Variants in SPRING1 observed in about 807,000 individuals in gnomAD.
SPRING1 encodes the protein SREBP regulating gene protein.
Under a neutral mutation model 24.7 loss-of-function variants are expected in SPRING1, and 14 were observed. The ratio of observed to expected loss-of-function variants is 0.57; its 90% CI spans 0.37 to 0.88. The LOEUF is 0.88. SPRING1 is among the 40% of genes least tolerant of loss of function. The probability of loss-of-function intolerance (pLI) is 0.00; values close to 1 mark genes in which losing one functional copy is unlikely to be tolerated. For missense variants in SPRING1, 255 were observed against 268.4 expected, an observed-to-expected ratio of 0.95 and a Z score of 0.35; for synonymous variants, 93 against 106.1, an observed-to-expected ratio of 0.88 and a Z score of 0.76.
chr12:116,737,736 G>A (rs1871339025), intron 1 of SPRING1, 54 bp downstream of exon 1: 1 of 1,490,276 alleles, frequency 6.7e-7, no homozygotes, highest in Non-Finnish European at 9.0e-7. Flanking sequence ...AGTAAAGTAA[G>A]GGGGAGGAAG....
At chr12:116,730,766 T>G (rs1268986675) in intron 1 of SPRING1, among the ~76,000 whole-genome samples, 1 of 152,224 alleles carries the variant, frequency 6.6e-6, no homozygotes, top group Non-Finnish European at 1.5e-5. Context: ...TCACCAGGGA[T>G]TTAATCTTTA....
chr12:116,735,049 A>T (rs1269434102), intron 1 of SPRING1, among the ~76,000 whole-genome samples: 4 of 152,244 alleles, frequency 2.6e-5, no homozygotes, highest in Non-Finnish European at 5.9e-5. Context: ...GAGTGACAGC[A>T]GTGACACTCT....
intron 4 of SPRING1, among the ~76,000 whole-genome samples, chr12:116,718,344 T>G (rs932507235): frequency 7.1e-4 from 108 of 152,358 alleles, no homozygotes; most frequent in African/African-American, 2.5e-3. Flanking sequence ...CCTAAAAATT[T>G]GGGGCATGAG....
chr12:116,713,338 T>TAAA lies in SPRING1; in HGVS notation c.*4471_*4472insTTT. On this transcript the variant is annotated 3_prime_UTR_variant, in exon 5 of 5. Transcript: ENST00000261318. ...CAAAGGCTGCTTTCATATAAAAATGTACTGTAGTAATCAGTAAGAAAAAGA... is the reference window on the plus strand; with the variant it reads ...CAAAGGCTGCTTTCATATAAAAATGTAAAACTGTAGTAATCAGTAAGAAAAAGA... 1 of 152,380 alleles carries TAAA rather than the reference T, an allele frequency of 6.6e-6. No individual in the cohort carries two copies. The highest frequency in any genetic ancestry group is 1.9e-4 in the East Asian group (1 of 5,194). 9.4% of individuals were successfully genotyped at this position (152,380 alleles called of 1,614,324 possible).
At chr12:116,732,153 A>C (rs550838855) in intron 1 of SPRING1, among the ~76,000 whole-genome samples, 14 of 152,342 alleles carry the variant, frequency 9.2e-5, no homozygotes, top group African/African-American at 3.4e-4. Context: ...AAAGGACTGC[A>C]GCTTGGCTCA....
In SPRING1 at chr12:116,738,007, C is replaced by G. The variant is rs986652194; in HGVS notation, c.-107G>C. ...CGGCAGCCCCATCCCTCCAGGCAGG[C>G]GCCGGCCCCGCCGCCCGCAGCCCAG... On this transcript the variant is annotated 5_prime_UTR_variant, in exon 1 of 5. Transcript: ENST00000261318. 2.2e-5 allele frequency: 25 copies of G among 1,122,902 alleles called. No individual in the cohort carries two copies. The East Asian group carries it at 6.5e-4, about 29-fold the overall frequency. The allele number at this position is 1,122,902 out of a possible 1,614,324, so 69.6% of individuals were successfully genotyped here. A position where few individuals can be genotyped will look rare whatever the true frequency, so the allele number is the denominator to read the frequency against.
Position 116,713,715 on chromosome 12 carries a change from T to C in SPRING1, c.*4095A>G, listed in dbSNP as rs969301183. ...AGGGAATTAATAATATTATTGTATA[T>C]TCATGAAATTGACACCATGTGGCCA... On this transcript the variant is annotated 3_prime_UTR_variant, in exon 5 of 5. Coordinates refer to ENST00000261318, the MANE Select transcript of SPRING1 (RefSeq NM_024738.4). The C allele has an allele frequency of 6.6e-6, 1 of 152,224 alleles. No homozygotes were observed. Among genetic ancestry groups the C allele is most frequent in the African/African-American group, 2.4e-5 (1 of 41,454 alleles). The allele number at this position is 152,224 out of a possible 1,614,324, so 9.4% of individuals were successfully genotyped here. A position where few individuals can be genotyped will look rare whatever the true frequency, so the allele number is the denominator to read the frequency against.
chr12:116,734,175 C>A (rs1871122199), intron 1 of SPRING1, among the ~76,000 whole-genome samples: 1 of 152,208 alleles, frequency 6.6e-6, no homozygotes, highest in South Asian at 2.1e-4. Context: ...TCGCACCCAG[C>A]CCATTTTATA....
chr12:116,726,304 A>T (rs1870684821), intron 1 of SPRING1, among the ~76,000 whole-genome samples: 1 of 152,246 alleles, frequency 6.6e-6, no homozygotes, highest in African/African-American at 2.4e-5. Flanking sequence ...GTAAAATGCT[A>T]TGTAGTGCCA....
chr12:116,723,720 G>A (rs147043093), intron 1 of SPRING1, among the ~76,000 whole-genome samples: 293 of 152,286 alleles, frequency 1.9e-3, no homozygotes, highest in African/African-American at 6.7e-3. Context: ...GGTGGAAGAC[G>A]TTTGGGAAAA....
chr12:116,713,276 T>C lies in SPRING1; in HGVS notation c.*4534A>G, dbSNP rs1404996507. 3 of 152,246 alleles carry C rather than the reference T, an allele frequency of 2.0e-5. No individual in the cohort carries two copies. The highest frequency in any genetic ancestry group is 7.2e-5 in the African/African-American group (3 of 41,470). 9.4% of individuals were successfully genotyped at this position (152,246 alleles called of 1,614,324 possible). On this transcript the variant is annotated 3_prime_UTR_variant, in exon 5 of 5. Coordinates refer to ENST00000261318, the MANE Select transcript of SPRING1 (RefSeq NM_024738.4). ...TGGTTTGTGAATATGTGAGCTTAGT[T>C]GTTTCTAACACAGGGCTGAAAAACA...
At chr12:116,733,920 A>G (rs562859610) in intron 1 of SPRING1, among the ~76,000 whole-genome samples, 44 of 152,300 alleles carry the variant, frequency 2.9e-4, no homozygotes, top group African/African-American at 9.6e-4. Flanking sequence ...TCTGTTGCCC[A>G]GGCTGGAGTG....
rs1870402800 is a variant in SPRING1 at position 116,720,956 on chromosome 12, TA to T, written c.269-510del. ...CTGACTAATTTGGAGATTACAAAAA[TA>T]GAAATATTCACATCTAACCCTTATA... On this transcript the variant is annotated intron_variant, in intron 2 of 4. Transcript: ENST00000261318. This position sits in a 1 kb window ranked among gnomAD's most constrained non-coding sequence, Gnocchi z 4.0. Among the ~76,000 whole-genome samples, 1 of 152,210 alleles carries T rather than the reference TA, an allele frequency of 6.6e-6. No individual in the cohort carries two copies. The highest frequency in any genetic ancestry group is 1.5e-5 in the Non-Finnish European group (1 of 68,036).
chr12:116,734,949 CG>C (rs1333919397), intron 1 of SPRING1, among the ~76,000 whole-genome samples: 1 of 152,078 alleles, frequency 6.6e-6, no homozygotes, highest in African/African-American at 2.4e-5. Context: ...ACCCCTACTG[CG>C]GGGAAGAGAA....
intron 1 of SPRING1, among the ~76,000 whole-genome samples, chr12:116,736,206 C>T (rs969792049): frequency 6.6e-6 from 1 of 151,802 alleles, no homozygotes; most frequent in African/African-American, 2.4e-5. Flanking sequence ...CTGGCATCAA[C>T]AGCATACCTC....
At chr12:116,725,885 CAAA>C (rs562256866) in intron 1 of SPRING1, among the ~76,000 whole-genome samples, 2 of 122,394 alleles carry the variant, frequency 1.6e-5, no homozygotes, top group African/African-American at 3.1e-5. Flanking sequence ...GACTCCGTCT[CAAA>C]AAAAAAAAAA....
intron 2 of SPRING1, among the ~76,000 whole-genome samples, chr12:116,721,682 C>T (rs191167527): frequency 2.0e-5 from 3 of 152,326 alleles, no homozygotes; most frequent in Admixed American, 2.0e-4. Flanking sequence ...TATTTCTACT[C>T]ATTTTCTTTT....
rs1197290042 is a variant in SPRING1 at position 116,715,951 on chromosome 12, A to G, written c.*1859T>C. On this transcript the variant is annotated 3_prime_UTR_variant, in exon 5 of 5. Transcript: ENST00000261318. ...CTGCCCTTTGGTATAAACTGTTCAC[A>G]TTAAATCTATGTTATGTTGCTCAAG... 2 of 151,824 alleles carry G rather than the reference A, an allele frequency of 1.3e-5. No homozygotes were observed. Among genetic ancestry groups the G allele is most frequent in the Non-Finnish European group, 2.9e-5 (2 of 67,834 alleles). 9.4% of individuals were successfully genotyped at this position (151,824 alleles called of 1,614,324 possible). A position where few individuals can be genotyped will look rare whatever the true frequency, so the allele number is the denominator to read the frequency against.
Position 116,717,881 on chromosome 12 carries a change from C to A in SPRING1, c.547G>T (p.Glu183Ter). The part of the protein sequence containing the change: ...CRTSSQSVQH[E>*]NTYRDPIAKY... ...GCTATGGGGTCCCGGTAGGTGTTCTCATGCTGCACGCTCTGTTGGCAAAAG... is the reference window on the plus strand; with the variant it reads ...GCTATGGGGTCCCGGTAGGTGTTCTAATGCTGCACGCTCTGTTGGCAAAAG... The change falls in exon 5 of 5, where the codon GAG becomes TAG. Residue 183 changes from glutamate to a stop codon, truncating the protein, a stop_gained. Transcript: ENST00000261318. LOFTEE classifies it high-confidence loss of function. This position sits in a 1 kb window ranked among gnomAD's most constrained non-coding sequence, Gnocchi z 4.2. 6.2e-7 allele frequency: 1 copy of A among 1,606,400 alleles called. No individual in the cohort carries two copies. The highest frequency in any genetic ancestry group is 8.5e-7 in the Non-Finnish European group (1 of 1,175,662).
Sources: gnomAD v4.1 joint callset for allele counts (sites outside exome capture counted in the v4.1 genomes callset) on GRCh38, gnomAD v4.1.1 for gene constraint, Gnocchi (gnomAD v3.1) non-coding constraint, MANE v1.5 for transcripts, NCBI Gene and HGNC (gene_info 2026-07-23, HGNC 2026-07-21) for gene names.